The following RRN3 variants were observed in gnomAD, a reference collection of about 807,000 sequenced individuals.
RRN3 encodes RNA polymerase I-specific transcription initiation factor RRN3.
RRN3 carries 38 observed loss-of-function variants against 82.3 expected under a neutral mutation model. The ratio of observed to expected loss-of-function variants is 0.46; its 90% CI spans 0.36 to 0.61. The LOEUF (loss-of-function observed/expected upper bound fraction) is 0.61, where lower values mean the gene tolerates loss of function less well. Ranked by LOEUF, RRN3 falls within the 20% of genes least tolerant of loss-of-function variation. RRN3 has a pLI of 0.00. For missense variants in RRN3, 726 were observed against 793.1 expected, an observed-to-expected ratio of 0.92 and a Z score of 1.02; for synonymous variants, 284 against 284.3, an observed-to-expected ratio of 1.00 and a Z score of 0.01.
At chr16:15,089,786 C>CGAA (rs2046053594) in intron 3 of RRN3, among the ~76,000 whole-genome samples, 1 of 66,574 alleles carries the variant, frequency 1.5e-5, no homozygotes, top group Non-Finnish European at 2.5e-5. Context: ...GGCGACAGAG[C>CGAA]AAAAAAAAAA....
intron 3 of RRN3, among the ~76,000 whole-genome samples, chr16:15,090,967 G>T (rs1420529933): frequency 6.6e-6 from 1 of 150,486 alleles, no homozygotes; most frequent in East Asian, 2.0e-4. Flanking sequence ...TAGAAAGGAA[G>T]CATTAGAGCA....
intron 1 of RRN3, among the ~76,000 whole-genome samples, chr16:15,093,432 G>A (rs981642001): frequency 3.3e-5 from 5 of 152,058 alleles, no homozygotes; most frequent in Non-Finnish European, 5.9e-5. Context: ...CATCGTGTTC[G>A]TTTATTTATT....
At position 15,074,666 on chromosome 16, in the gene RRN3, C is replaced by A. The variant is rs141387535; in HGVS notation, c.997+57G>T. On this transcript the variant is annotated intron_variant, in intron 11 of 17. Transcript: ENST00000198767. Reference sequence around the variant, plus strand: ...CTAGAGATAATGGATGGAAAATGCCCAGCACAAAGCCAGGTACACTGCAGG... The same window carrying A: ...CTAGAGATAATGGATGGAAAATGCCAAGCACAAAGCCAGGTACACTGCAGG... 2.9e-6 allele frequency: 4 copies of A among 1,368,028 alleles called. No homozygotes were observed. The African/African-American group carries it at 5.8e-5, about 20-fold the overall frequency. The allele number at this position is 1,368,028 out of a possible 1,614,324, so 84.7% of individuals were successfully genotyped here. A position where few individuals can be genotyped will look rare whatever the true frequency, so the allele number is the denominator to read the frequency against.
intron 8 of RRN3, among the ~76,000 whole-genome samples, 192 bp downstream of exon 8, chr16:15,083,321 C>A (rs909313465): frequency 1.3e-5 from 2 of 152,090 alleles, no homozygotes; most frequent in Non-Finnish European, 2.9e-5. Context: ...ATCGCTTGAA[C>A]CCGAGAGGCA....
intron 3 of RRN3, among the ~76,000 whole-genome samples, chr16:15,089,227 G>A (rs1422800376): frequency 1.3e-5 from 2 of 151,904 alleles, no homozygotes; most frequent in Non-Finnish European, 2.9e-5. Context: ...GGAGGCAGAG[G>A]TTGCAGTGAG....
At chr16:15,075,465 G>A (rs2045414204) in intron 10 of RRN3, among the ~76,000 whole-genome samples, 1 of 151,738 alleles carries the variant, frequency 6.6e-6, no homozygotes, top group Non-Finnish European at 1.5e-5. Flanking sequence ...AGCTACTCGG[G>A]GAGGCTGAGG....
intron 8 of RRN3, among the ~76,000 whole-genome samples, chr16:15,081,371 C>A (rs1203337326): frequency 6.6e-6 from 1 of 152,174 alleles, no homozygotes; most frequent in Non-Finnish European, 1.5e-5. Flanking sequence ...TCTCCATATC[C>A]TTGTGAACAC....
At chr16:15,094,321 A>G (rs1168002945), upstream of RRN3, 14 of 1,234,662 alleles carry the variant, frequency 1.1e-5, no homozygotes, top group South Asian at 7.9e-5. Context: ...TGCGCGTGCC[A>G]GCGCAACCTT....
intron 1 of RRN3, chr16:15,093,900 A>T: frequency 1.9e-6 from 1 of 530,938 alleles, no homozygotes. Flanking sequence ...CTGGGAAATC[A>T]CGAAGAGACA....
chr16:15,093,162 GC>G (rs2151830812), intron 1 of RRN3, among the ~76,000 whole-genome samples: 1 of 152,176 alleles, frequency 6.6e-6, no homozygotes, highest in African/African-American at 2.4e-5. Context: ...CTGCCACCAT[GC>G]CCGGCTGATT....
intron 9 of RRN3, among the ~76,000 whole-genome samples, chr16:15,076,986 T>C (rs965475738): frequency 1.2e-4 from 18 of 151,418 alleles, no homozygotes; most frequent in Admixed American, 3.3e-4. Context: ...ATCACTTTTT[T>C]TTTTTTTTTT....
intron 9 of RRN3, 115 bp from the exon 10 acceptor site, chr16:15,076,765 T>C: frequency 1.4e-6 from 1 of 700,052 alleles, no homozygotes; most frequent in Non-Finnish European, 2.6e-6. Flanking sequence ...ATTAGTGCCT[T>C]ATATCACACC....
At chr16:15,067,190 G>C (rs1220290396) in intron 15 of RRN3, among the ~76,000 whole-genome samples, 1 of 151,938 alleles carries the variant, frequency 6.6e-6, no homozygotes. Flanking sequence ...GGCTGACGGA[G>C]CTCAGCAAGC....
At chr16:15,080,638 C>T (rs1163743758) in intron 8 of RRN3, among the ~76,000 whole-genome samples, 4 of 152,112 alleles carry the variant, frequency 2.6e-5, no homozygotes, top group Non-Finnish European at 5.9e-5. Context: ...ACTATGTTGC[C>T]CAGGCTGGTC....
chr16:15,060,759 C>A lies in RRN3; in HGVS notation c.*985G>T, dbSNP rs1310566946. ...GATGCACACAGCCATCAGACCAAGA[C>A]TGCACTAGCAACTTCCACCTATTGT... is the stretch of plus-strand genomic sequence containing the variant. On this transcript the variant is annotated 3_prime_UTR_variant, in exon 18 of 18. Coordinates refer to ENST00000198767, the MANE Select transcript of RRN3 (RefSeq NM_018427.5). The A allele has an allele frequency of 6.6e-6, 1 of 152,294 alleles. No individual in the cohort carries two copies. Among genetic ancestry groups the A allele is most frequent in the African/African-American group, 2.4e-5 (1 of 41,466 alleles). 9.4% of individuals were successfully genotyped at this position (152,294 alleles called of 1,614,324 possible). A position where few individuals can be genotyped will look rare whatever the true frequency, so the allele number is the denominator to read the frequency against.
chr16:15,092,249 G>A (rs942823304), intron 2 of RRN3, among the ~76,000 whole-genome samples: 3 of 152,078 alleles, frequency 2.0e-5, no homozygotes, highest in African/African-American at 7.2e-5. Context: ...AAGATGCTTC[G>A]TAAATAAAGC....
intron 10 of RRN3, 41 bp from the exon 11 acceptor site, chr16:15,074,902 A>G (rs376075011): frequency 9.6e-6 from 15 of 1,570,670 alleles, no homozygotes; most frequent in Admixed American, 5.5e-5. Flanking sequence ...AAAAAATTCA[A>G]TGTCAAAGTG....
At chr16:15,080,827 C>T (rs955923983) in intron 8 of RRN3, among the ~76,000 whole-genome samples, 1 of 56,850 alleles carries the variant, frequency 1.8e-5, no homozygotes, top group Admixed American at 2.8e-4. Flanking sequence ...TATGAATCTG[C>T]CTCTTTGACA....
chr16:15,070,543 C>A (rs1286106691), intron 13 of RRN3, among the ~76,000 whole-genome samples: 1 of 152,056 alleles, frequency 6.6e-6, no homozygotes, highest in Non-Finnish European at 1.5e-5. Context: ...ATCTCAAAGG[C>A]ACCCCTCTTA....
Sources: gnomAD v4.1 joint callset for allele counts (sites outside exome capture counted in the v4.1 genomes callset) on GRCh38, gnomAD v4.1.1 for gene constraint, MANE v1.5 for transcripts, NCBI Gene and HGNC (gene_info 2026-07-23, HGNC 2026-07-21) for gene names.